The following PRKN variants were observed in gnomAD, a reference collection of about 807,000 sequenced individuals.
PRKN encodes the protein parkin RBR E3 ubiquitin protein ligase.
A neutral mutation model predicts 59.5 loss-of-function variants in PRKN; 56 were observed. That is an observed-to-expected ratio of 0.94 (90% CI 0.76 to 1.18). The LOEUF is 1.18. Ranked by LOEUF, PRKN falls within the 50% of genes most tolerant of loss-of-function variation. The pLI is 0.00. For synonymous variants in PRKN, 250 were observed against 222.1 expected (o/e 1.13, Z -1.12); for missense variants, 657 against 596.4 (o/e 1.10, Z -1.06).
rs556579748 is a variant in PRKN at position 161,359,742 on chromosome 6, C to T, written c.1285+346G>A. Among the ~76,000 whole-genome samples the T allele has an allele frequency of 4.6e-5, 7 of 152,296 alleles. No homozygotes were observed. The highest frequency in any genetic ancestry group is 1.4e-4 in the African/African-American group (6 of 41,566). ...GGGTCATACGGTGCAGCCATCAGCG[C>T]TGGGGAAGGTCACCAGGGAGGACAG... On this transcript the variant is annotated intron_variant, in intron 11 of 11. Coordinates refer to ENST00000366898, the MANE Select transcript of PRKN (RefSeq NM_004562.3). The surrounding 1 kb of genome is among the most constrained non-coding windows in gnomAD (Gnocchi z 5.4).
chr6:162,460,900 TAATATAG>T (rs901561010), intron 1 of PRKN, among the ~76,000 whole-genome samples: 1 of 152,238 alleles, frequency 6.6e-6, no homozygotes, highest in African/African-American at 2.4e-5. Context: ...TTTCAACCTT[TAATATAG>T]AAAATATAAT....
At chr6:161,681,200 G>C (rs889414210) in intron 7 of PRKN, among the ~76,000 whole-genome samples, 10 of 152,208 alleles carry the variant, frequency 6.6e-5, no homozygotes, top group Admixed American at 6.5e-4. Flanking sequence ...GACCTCAACT[G>C]ACCTGCCCAC....
intron 5 of PRKN, among the ~76,000 whole-genome samples, chr6:162,029,760 T>A (rs1416255588): frequency 2.6e-5 from 4 of 152,210 alleles, no homozygotes; most frequent in Non-Finnish European, 4.4e-5. Context: ...TTGGAAGGTG[T>A]TAACAACTCC....
intron 4 of PRKN, among the ~76,000 whole-genome samples, chr6:162,143,516 T>A (rs973960073): frequency 1.3e-4 from 20 of 152,106 alleles, no homozygotes; most frequent in Non-Finnish European, 2.9e-5. Context: ...CAGAGAAAAA[T>A]GTACACTTCT....
At chr6:162,204,464 C>A (rs1458963016) in intron 3 of PRKN, among the ~76,000 whole-genome samples, 1 of 152,088 alleles carries the variant, frequency 6.6e-6, no homozygotes, top group Non-Finnish European at 1.5e-5. Context: ...CAGAAAAAAA[C>A]AATTTAGAAA....
Position 162,627,395 on chromosome 6 carries a change from A to T in PRKN, c.7+100267T>A, listed in dbSNP as rs565441986. Among the ~76,000 whole-genome samples, 3 of 152,338 alleles carry T rather than the reference A, an allele frequency of 2.0e-5. No individual in the cohort carries two copies. In the South Asian group the frequency reaches 6.2e-4, roughly 32 times the overall value. On this transcript the variant is annotated intron_variant, in intron 1 of 11. Transcript: ENST00000366898. ...TGTTTGTCATAGGAAATGATTTTGT[A>T]TAGAAATTATTTCCCCAGATTGTGA... is the stretch of plus-strand genomic sequence containing the variant.
intron 7 of PRKN, among the ~76,000 whole-genome samples, chr6:161,631,394 C>G (rs1298242386): frequency 6.6e-6 from 1 of 152,192 alleles, no homozygotes; most frequent in East Asian, 1.9e-4. Flanking sequence ...GTAGCTCAGT[C>G]AGACTGGTAA....
intron 9 of PRKN, among the ~76,000 whole-genome samples, chr6:161,472,202 G>T (rs1790826686): frequency 6.6e-6 from 1 of 152,100 alleles, no homozygotes; most frequent in South Asian, 2.1e-4. Context: ...GTTGATTTTA[G>T]CTAGATATAA....
At chr6:161,646,339 G>A (rs1783945338) in intron 7 of PRKN, among the ~76,000 whole-genome samples, 1 of 110,476 alleles carries the variant, frequency 9.1e-6, no homozygotes, top group African/African-American at 3.6e-5. Context: ...GCGTGTGCGT[G>A]CGTGGCGGAG....
In PRKN at chr6:161,414,109, C is replaced by T. The variant is rs2115011716; in HGVS notation, c.1084-27232G>A. On this transcript the variant is annotated intron_variant, in intron 9 of 11. Coordinates refer to ENST00000366898, the MANE Select transcript of PRKN (RefSeq NM_004562.3). The surrounding 1 kb of genome is among the most constrained non-coding windows in gnomAD (Gnocchi z 5.3). ...GGTACTGGTGTCATTTTAATTCAGA[C>T]TTCTCTCTTTCTTTGCTGCAAATGG... Among the ~76,000 whole-genome samples the T allele has an allele frequency of 6.6e-6, 1 of 152,250 alleles. No homozygotes were observed. Among genetic ancestry groups the T allele is most frequent in the South Asian group, 2.1e-4 (1 of 4,824 alleles).
At chr6:161,512,101 T>G (rs1225437049) in intron 9 of PRKN, among the ~76,000 whole-genome samples, 1 of 152,158 alleles carries the variant, frequency 6.6e-6, no homozygotes. Context: ...AGAACACAAG[T>G]GTACCTAATC....
intron 4 of PRKN, among the ~76,000 whole-genome samples, chr6:162,127,010 TCTGCACCAATGTAGTGTCACATTCAATTA>T: frequency 6.6e-6 from 1 of 152,338 alleles, no homozygotes; most frequent in African/African-American, 2.4e-5. Flanking sequence ...ACAGATATTA[TCTGCACCAATGTAGTGTCACATTCAATTA>T]CAAGCTCCCA....
intron 6 of PRKN, among the ~76,000 whole-genome samples, chr6:161,815,652 G>C (rs1371911962): frequency 6.6e-6 from 1 of 152,226 alleles, no homozygotes; most frequent in Non-Finnish European, 1.5e-5. Context: ...AAGCAAGCGT[G>C]CTGAGTCCTG....
chr6:162,715,405 G>C (rs1396664577), intron 1 of PRKN, among the ~76,000 whole-genome samples: 1 of 152,166 alleles, frequency 6.6e-6, no homozygotes, highest in African/African-American at 2.4e-5. Context: ...GGTTTTTAAA[G>C]TTTAGAGGAA....
At chr6:162,073,308 T>G (rs908932873) in intron 4 of PRKN, among the ~76,000 whole-genome samples, 1 of 152,230 alleles carries the variant, frequency 6.6e-6, no homozygotes, top group African/African-American at 2.4e-5. Flanking sequence ...GGCCTCAGCG[T>G]TAACCAGAGC....
At chr6:162,111,429 T>C (rs1583048110) in intron 4 of PRKN, among the ~76,000 whole-genome samples, 1 of 151,958 alleles carries the variant, frequency 6.6e-6, no homozygotes, top group Non-Finnish European at 1.5e-5. Context: ...TGCACCACTG[T>C]GCTCCAGCCT....
Position 161,359,981 on chromosome 6 carries a change from C to T in PRKN, c.1285+107G>A, listed in dbSNP as rs1784911238. 4 of 846,240 alleles carry T rather than the reference C, an allele frequency of 4.7e-6. No homozygotes were observed. The Admixed American group carries it at 6.8e-5, about 14-fold the overall frequency. The allele number at this position is 846,240 out of a possible 1,614,324, so 52.4% of individuals were successfully genotyped here. ...ATTAATCGAGGGGTTACCCAACACACCAGGCACCTTCAGACAGCATCTCCT... is the reference window on the plus strand; with the variant it reads ...ATTAATCGAGGGGTTACCCAACACATCAGGCACCTTCAGACAGCATCTCCT... On this transcript the variant is annotated intron_variant, in intron 11 of 11. Transcript: ENST00000366898. The surrounding 1 kb of genome is among the most constrained non-coding windows in gnomAD (Gnocchi z 5.4).
chr6:162,366,824 G>A (rs1037794243), intron 2 of PRKN, among the ~76,000 whole-genome samples: 10 of 152,124 alleles, frequency 6.6e-5, no homozygotes, highest in East Asian at 1.9e-4. Context: ...GCTTGAACCC[G>A]GGAGGTGGAG....
intron 1 of PRKN, among the ~76,000 whole-genome samples, chr6:162,629,222 A>C (rs1297433622): frequency 6.6e-6 from 1 of 152,170 alleles, no homozygotes. Flanking sequence ...ATAGACTAGA[A>C]TGCATAAATC....
Sources: allele counts gnomAD v4.1 joint callset (sites outside exome capture counted in the v4.1 genomes callset), GRCh38; gene constraint gnomAD v4.1.1; non-coding constraint Gnocchi (gnomAD v3.1); transcripts MANE v1.5; gene names NCBI Gene and HGNC (gene_info 2026-07-23, HGNC 2026-07-21).